ZNF83: variants seen among roughly 807,000 people sequenced by gnomAD.
ZNF83 encodes the protein zinc finger protein 83, also known as zinc finger protein 816B.
For missense variants in ZNF83, 552 were observed against 629.9 expected (o/e 0.88, Z 1.32); for synonymous variants, 209 against 213.0 (o/e 0.98, Z 0.17).
At chr19:52,666,077 T>C (rs11084175) in intron 1 of ZNF83, among the ~76,000 whole-genome samples, 52,343 of 147,610 alleles carry the variant, frequency 0.35, 9,696 homozygotes, top group East Asian at 0.56. Context: ...GGTGGGAGAA[T>C]GGTGTGAACC....
At chr19:52,673,430 A>G (rs766417943) in intron 1 of ZNF83, among the ~76,000 whole-genome samples, 5 of 151,774 alleles carry the variant, frequency 3.3e-5, no homozygotes, top group African/African-American at 4.8e-5. Context: ...TTGAGCCAAG[A>G]AGGCAGAGGT....
intron 1 of ZNF83, among the ~76,000 whole-genome samples, chr19:52,680,682 G>T (rs369225907): frequency 1.3e-4 from 17 of 130,176 alleles, no homozygotes; most frequent in African/African-American, 1.9e-4. Flanking sequence ...GCGCGATCTC[G>T]GCTCACTGCA....
At chr19:52,677,124 T>A (rs36047940) in intron 1 of ZNF83, among the ~76,000 whole-genome samples, 97,101 of 135,364 alleles carry the variant, frequency 0.72, 34,155 homozygotes, top group African/African-American at 0.85. Context: ...AATGATCAAT[T>A]AAAAAAAAAA....
chr19:52,662,939 G>T (rs2061598937), intron 1 of ZNF83, among the ~76,000 whole-genome samples: 1 of 152,136 alleles, frequency 6.6e-6, no homozygotes, highest in African/African-American at 2.4e-5. Context: ...GACAGGGGTA[G>T]ATCACATGAG....
At chr19:52,655,165 C>A in intron 3 of ZNF83, 1 of 188,508 alleles carries the variant, frequency 5.3e-6, no homozygotes, top group Non-Finnish European at 1.1e-5. Context: ...CCAGCCTGAG[C>A]AAGAGAGGGA....
chr19:52,659,995 A>G (rs910781282), intron 2 of ZNF83, among the ~76,000 whole-genome samples: 4 of 152,190 alleles, frequency 2.6e-5, no homozygotes, highest in African/African-American at 4.8e-5. Flanking sequence ...GTTCGAGACC[A>G]GTCTGGCCAA....
rs569264140 is a variant in ZNF83, at chr19:52,618,927, T to C, written c.-233-4130A>G. 3,368 of 1,548,002 alleles carry C rather than the reference T, an allele frequency of 2.2e-3. 173 individuals are homozygous for C. Among genetic ancestry groups the C allele is most frequent in the South Asian group, 0.014 (1,250 of 88,408 alleles). On this transcript the variant is annotated intron_variant, in intron 2 of 2. Transcript: ENST00000301096. The stretch of plus-strand genomic sequence containing the variant: ...AACATCCCCACTTCTGGAGGGAAGT[T>C]ATCCTCACCCAGGGAGACCAGGTTC...
At position 52,670,425 on chromosome 19, in the gene ZNF83, C is replaced by T. The variant is rs1042602096; in HGVS notation, c.-282-9582G>A. Among the ~76,000 whole-genome samples the T allele has an allele frequency of 6.6e-5, 10 of 152,256 alleles. 1 individual carries two copies. The highest frequency in any genetic ancestry group is 2.1e-4 in the South Asian group (1 of 4,822). ...CCCCTTCCCCTCCCTTGTTCAGGTA[C>T]GCACTCACCATTGCTCCCTCTGTGA... On this transcript the variant is annotated intron_variant, in intron 1 of 5. Coordinates refer to the ZNF83 transcript ENST00000594682.
At chr19:52,629,548 C>T (rs1188884954) in intron 2 of ZNF83, among the ~76,000 whole-genome samples, 8 of 152,132 alleles carry the variant, frequency 5.3e-5, no homozygotes, top group East Asian at 1.9e-4. Context: ...ACACCCGGTC[C>T]GGCTTACAGT....
chr19:52,636,705 G>C (rs2061157358), intron 1 of ZNF83: 2 of 152,130 alleles, frequency 1.3e-5, no homozygotes, highest in Non-Finnish European at 2.9e-5. Flanking sequence ...GACCAGGCTG[G>C]AGTGCAGTGA....
chr19:52,649,084 G>A (rs2061410608), intron 3 of ZNF83, among the ~76,000 whole-genome samples: 1 of 152,168 alleles, frequency 6.6e-6, no homozygotes, highest in Non-Finnish European at 1.5e-5. Flanking sequence ...CCCAGACAGG[G>A]TTGAAGGCCC....
intron 1 of ZNF83, among the ~76,000 whole-genome samples, chr19:52,637,526 C>CTT (rs1018010412): frequency 6.6e-6 from 1 of 151,694 alleles, no homozygotes; most frequent in East Asian, 1.9e-4. Flanking sequence ...CTCCTGCTTT[C>CTT]TTTTTTTTTC....
intron 2 of ZNF83, among the ~76,000 whole-genome samples, chr19:52,633,207 C>A (rs191435362): frequency 8.6e-5 from 13 of 152,002 alleles, no homozygotes; most frequent in South Asian, 4.2e-4. Context: ...CCTTGTGGCC[C>A]CCACCCCTGC....
chr19:52,627,001 A>G (rs2060764342), intron 2 of ZNF83, among the ~76,000 whole-genome samples: 1 of 152,138 alleles, frequency 6.6e-6, no homozygotes, highest in Non-Finnish European at 1.5e-5. Flanking sequence ...CTGATTGACC[A>G]ACCTTATGAC....
intron 1 of ZNF83, among the ~76,000 whole-genome samples, chr19:52,676,968 T>A (rs544598392): frequency 7.0e-6 from 1 of 143,632 alleles, no homozygotes; most frequent in African/African-American, 2.6e-5. Context: ...TAATCTCAAG[T>A]AATCAGGGAC....
chr19:52,647,955 G>A (rs1434974856), intron 3 of ZNF83, among the ~76,000 whole-genome samples: 2 of 150,512 alleles, frequency 1.3e-5, no homozygotes, highest in East Asian at 1.9e-4. Context: ...GTTCCCTGCT[G>A]TTGTTCTTCC....
intron 2 of ZNF83, among the ~76,000 whole-genome samples, chr19:52,630,264 G>A (rs2060905058): frequency 2.0e-5 from 3 of 152,154 alleles, no homozygotes; most frequent in African/African-American, 7.2e-5. Flanking sequence ...CTGCCCGATC[G>A]CCTCGGAAGC....
chr19:52,614,136 A>G lies in ZNF83; in HGVS notation c.429T>C (p.His143=), dbSNP rs781059450. Reference sequence around the variant, plus strand: ...TACATTTATATGGCTTCTCTCCAGTATGAATTCTTTGATGACTTGCAAGGT... The same window carrying G: ...TACATTTATATGGCTTCTCTCCAGTGTGAATTCTTTGATGACTTGCAAGGT... The change falls in exon 3 of 3, where the codon CAT becomes CAC. Residue 143 remains histidine, a synonymous_variant. Transcript: ENST00000301096. The G allele has an allele frequency of 3.3e-5, 54 of 1,614,168 alleles. 2 individuals are homozygous for G. The Middle Eastern group carries it at 9.9e-4, about 30-fold the overall frequency.
At chr19:52,686,389 AG>A (rs2062014972) in intron 1 of ZNF83, among the ~76,000 whole-genome samples, 1 of 151,644 alleles carries the variant, frequency 6.6e-6, no homozygotes, top group Admixed American at 6.6e-5. Flanking sequence ...ATCTTTCAGA[AG>A]TGATTAAGTA....
Sources: allele counts gnomAD v4.1 joint callset (sites outside exome capture counted in the v4.1 genomes callset), GRCh38; gene constraint gnomAD v4.1.1; transcripts MANE v1.5; gene names NCBI Gene and HGNC (gene_info 2026-07-23, HGNC 2026-07-21).